Variants in NIBAN3 observed in about 807,000 individuals in gnomAD.
NIBAN3 encodes the protein protein Niban 3.
Under a neutral mutation model 76.4 loss-of-function variants are expected in NIBAN3, and 66 were observed. That is an observed-to-expected ratio of 0.86 (90% CI 0.71 to 1.06). The LOEUF (loss-of-function observed/expected upper bound fraction) is 1.06. Among genes scored for constraint, NIBAN3 ranks in the 50% least tolerant of loss-of-function variants. The probability of loss-of-function intolerance (pLI) is 0.00; values close to 1 mark genes in which losing one functional copy is unlikely to be tolerated. For synonymous variants in NIBAN3, 360 were observed against 355.2 expected (o/e 1.01, Z -0.15); for missense variants, 808 against 810.7 (o/e 1.00, Z 0.04).
chr19:17,533,138 G>A (rs2075760693), intron 3 of NIBAN3, among the ~76,000 whole-genome samples: 1 of 152,204 alleles, frequency 6.6e-6, no homozygotes, highest in East Asian at 1.9e-4. Flanking sequence ...GGCCAGGCAC[G>A]GTGGCTCAGG....
At position 17,551,698 on chromosome 19, in the gene NIBAN3, C is replaced by G. The variant is rs1043504841; in HGVS notation, c.1751-88C>G. On this transcript the variant is annotated intron_variant, in intron 14 of 14. Transcript: ENST00000599164. Reference sequence around the variant, plus strand: ...GAGCCATTGCGCCCAGCCAACATCTCTATTAACTCTGATTTTTTAAGCACT... The same window carrying G: ...GAGCCATTGCGCCCAGCCAACATCTGTATTAACTCTGATTTTTTAAGCACT... 16 of 632,888 alleles carry G rather than the reference C, an allele frequency of 2.5e-5. No homozygotes were observed. In the Admixed American group the frequency reaches 3.3e-4, roughly 13 times the overall value. 39.2% of individuals were successfully genotyped at this position (632,888 alleles called of 1,614,324 possible). A position where few individuals can be genotyped will look rare whatever the true frequency, so the allele number is the denominator to read the frequency against.
intron 6 of NIBAN3, 29 bp from the exon 7 acceptor site, chr19:17,539,318 C>G (rs776954468): frequency 3.9e-6 from 6 of 1,554,348 alleles, no homozygotes; most frequent in Non-Finnish European, 5.2e-6. Context: ...CCCGGCCGAC[C>G]GCGGCGCCCA....
intron 1 of NIBAN3, 40 bp from the exon 2 acceptor site, chr19:17,530,715 G>T: frequency 6.4e-7 from 1 of 1,574,208 alleles, no homozygotes; most frequent in South Asian, 1.1e-5. Flanking sequence ...CTCCTGGGCA[G>T]ATTCAATTTG....
chr19:17,553,318 A>G lies in NIBAN3; in HGVS notation c.*1420A>G. 6.2e-7 allele frequency: 1 copy of G among 1,613,230 alleles called. No individual in the cohort carries two copies. Among genetic ancestry groups the G allele is most frequent in the Non-Finnish European group, 8.5e-7 (1 of 1,179,424 alleles). ...CTTTTGGGTTTGTTTCCTAGCTCCAAATCTTAACTTGGTGTCAAGTTTCCT... is the reference window on the plus strand; with the variant it reads ...CTTTTGGGTTTGTTTCCTAGCTCCAGATCTTAACTTGGTGTCAAGTTTCCT... On this transcript the variant is annotated 3_prime_UTR_variant, in exon 15 of 15. Coordinates refer to ENST00000599164, the MANE Select transcript of NIBAN3 (RefSeq NM_001321827.2).
At chr19:17,554,068 T>A (rs2076194385), downstream of NIBAN3, among the ~76,000 whole-genome samples, 1 of 152,028 alleles carries the variant, frequency 6.6e-6, no homozygotes, top group Non-Finnish European at 1.5e-5. Flanking sequence ...AGATGGGGGC[T>A]TCACCATATT....
rs1001409267 is a variant in NIBAN3, at chr19:17,537,419, T to C, written c.471T>C (p.Pro157=). The change falls in exon 5 of 15, where the codon CCT becomes CCC. Residue 157 remains proline (P), a synonymous_variant. Coordinates refer to ENST00000599164, the MANE Select transcript of NIBAN3 (RefSeq NM_001321827.2). ...QEEPDSLLEV[P]VSFPLFLQHP... Reference sequence around the variant, plus strand: ...AGCCTGACTCCCTCTTGGAAGTGCCTGTGAGCTTCCCGCTGTTCCTGCAGC... The same window carrying C: ...AGCCTGACTCCCTCTTGGAAGTGCCCGTGAGCTTCCCGCTGTTCCTGCAGC... The C allele has an allele frequency of 4.3e-6, 7 of 1,614,166 alleles. No homozygotes were observed. The East Asian group carries it at 1.3e-4, about 31-fold the overall frequency.
At chr19:17,543,977 G>GCAAGGGCCTGTCTCTTT (rs1489597977) in intron 12 of NIBAN3, 1 of 151,508 alleles carries the variant, frequency 6.6e-6, no homozygotes, top group African/African-American at 2.6e-5. Flanking sequence ...GGGCGACAGA[G>GCAAGGGCCTGTCTCTTT]TGAAACTCAG....
chr19:17,543,515 GTT>G lies in NIBAN3; in HGVS notation c.1447-8_1447-7del. The G allele has an allele frequency of 6.2e-7, 1 of 1,614,046 alleles. No homozygotes were observed. Among genetic ancestry groups the G allele is most frequent in the Non-Finnish European group, 8.5e-7 (1 of 1,179,890 alleles). ...GGTTGCTGGACGCACCGCTGGGTGT[GTT>G]GTGCAGAAATTCAAATCGGACAGCG... On this transcript the variant is annotated splice_region_variant and splice_polypyrimidine_tract_variant and intron_variant, in intron 11 of 14. Transcript: ENST00000599164.
upstream of NIBAN3, among the ~76,000 whole-genome samples, chr19:17,524,446 C>G (rs1323618578): frequency 4.0e-5 from 6 of 151,304 alleles, no homozygotes; most frequent in Non-Finnish European, 5.9e-5. Flanking sequence ...CCACAACGCC[C>G]GCTATTTTTT....
Position 17,553,104 on chromosome 19 carries a change from G to T in NIBAN3, c.*1206G>T, listed in dbSNP as rs2076180698. On this transcript the variant is annotated 3_prime_UTR_variant, in exon 15 of 15. Transcript: ENST00000599164. ...AAACAAAATCCAAATATGTTGATTA[G>T]CCATTTACATGTTTGTAGTTTTTTT... is the stretch of plus-strand genomic sequence containing the variant. 4.4e-6 allele frequency: 3 copies of T among 684,556 alleles called. No individual in the cohort carries two copies. The highest frequency in any genetic ancestry group is 6.7e-6 in the Non-Finnish European group (3 of 450,618). The allele number at this position is 684,556 out of a possible 1,614,324, so 42.4% of individuals were successfully genotyped here.
intron 1 of NIBAN3, among the ~76,000 whole-genome samples, chr19:17,528,233 A>G (rs1302529864): frequency 6.6e-6 from 1 of 152,024 alleles, no homozygotes; most frequent in Non-Finnish European, 1.5e-5. Context: ...CTGGGATTAC[A>G]AGCATGTGCC....
At chr19:17,546,615 A>C (rs2076059476) in intron 12 of NIBAN3, 71 bp from the exon 13 acceptor site, 10 of 1,402,964 alleles carry the variant, frequency 7.1e-6, no homozygotes, top group African/African-American at 1.5e-5. Context: ...GGGCTAGGGC[A>C]GAAGCCTGTG....
At chr19:17,549,826 C>CTT (rs1229491236) in intron 14 of NIBAN3, 36 of 100,508 alleles carry the variant, frequency 3.6e-4, no homozygotes, top group South Asian at 1.4e-3. Context: ...CTCTCTCTCT[C>CTT]TTTTTTTTTT....
At chr19:17,532,232 C>G (rs2075740003) in intron 2 of NIBAN3, 31 bp from the exon 3 acceptor site, 15 of 1,586,638 alleles carry the variant, frequency 9.5e-6, no homozygotes, top group Non-Finnish European at 1.3e-5. Context: ...GCCCACAGCC[C>G]CCTGACACCC....
downstream of NIBAN3, among the ~76,000 whole-genome samples, chr19:17,554,094 G>A (rs1415642092): frequency 3.9e-5 from 6 of 151,942 alleles, no homozygotes; most frequent in African/African-American, 1.5e-4. Flanking sequence ...AGCTGGTCTC[G>A]AACTCCTGAC....
rs2076183276 is a variant in NIBAN3 at position 17,553,275 on chromosome 19, T to C, written c.*1377T>C. ...CAGGTTACAGATTTTGGGGTTTTTTTCTCCGCTTGCTGTGAGCCTTTTGGG... is the reference window on the plus strand; with the variant it reads ...CAGGTTACAGATTTTGGGGTTTTTTCCTCCGCTTGCTGTGAGCCTTTTGGG... On this transcript the variant is annotated 3_prime_UTR_variant, in exon 15 of 15. Coordinates refer to ENST00000599164, the MANE Select transcript of NIBAN3 (RefSeq NM_001321827.2). The C allele has an allele frequency of 1.9e-6, 3 of 1,599,104 alleles. No homozygotes were observed. Among genetic ancestry groups the C allele is most frequent in the African/African-American group, 1.4e-5 (1 of 74,022 alleles).
chr19:17,555,223 C>T (rs1390932633), downstream of NIBAN3, among the ~76,000 whole-genome samples: 1 of 152,184 alleles, frequency 6.6e-6, no homozygotes, highest in Non-Finnish European at 1.5e-5. Context: ...TTATTCTCCA[C>T]AACCCTCAAT....
chr19:17,533,766 G>A, intron 4 of NIBAN3, 65 bp downstream of exon 4: 1 of 1,250,438 alleles, frequency 8.0e-7, no homozygotes, highest in East Asian at 2.3e-5. Context: ...TGTGGGGCCA[G>A]ATCATTCTCT....
At chr19:17,537,618 G>A in intron 5 of NIBAN3, 75 bp downstream of exon 5, 1 of 1,410,986 alleles carries the variant, frequency 7.1e-7, no homozygotes, top group Non-Finnish European at 9.5e-7. Context: ...TGTTGGCTCG[G>A]GACCTCTCCA....
Sources: gnomAD v4.1 joint callset for allele counts (sites outside exome capture counted in the v4.1 genomes callset) on GRCh38, gnomAD v4.1.1 for gene constraint, MANE v1.5 for transcripts, NCBI Gene and HGNC (gene_info 2026-07-23, HGNC 2026-07-21) for gene names.